TLN2: variants seen among roughly 807,000 people sequenced by gnomAD.
TLN2 encodes talin-2.
In TLN2, 118 loss-of-function variants were observed where a neutral mutation model predicts 294.7. The observed-to-expected ratio is 0.40, with a 90% CI of 0.34 to 0.47. The LOEUF (loss-of-function observed/expected upper bound fraction) is 0.47. TLN2 is among the 20% of genes least tolerant of loss of function. TLN2 has a pLI of 0.84. For synonymous variants in TLN2, 1,431 were observed against 1,304.5 expected, an observed-to-expected ratio of 1.10 and a Z score of -2.09; for missense variants, 3,083 against 3,282.2, an observed-to-expected ratio of 0.94 and a Z score of 1.48.
At chr15:62,509,159 T>C (rs1343500857) in intron 1 of TLN2, among the ~76,000 whole-genome samples, 2 of 152,232 alleles carry the variant, frequency 1.3e-5, no homozygotes, top group African/African-American at 4.8e-5. Flanking sequence ...CATTACCCTA[T>C]GCTTCCTGTC....
intron 3 of TLN2, among the ~76,000 whole-genome samples, chr15:62,634,302 A>G (rs1232319052): frequency 2.6e-5 from 4 of 152,058 alleles, no homozygotes; most frequent in Non-Finnish European, 4.4e-5. Flanking sequence ...TAGTCCTGCC[A>G]TTTCTTTAGG....
intron 1 of TLN2, among the ~76,000 whole-genome samples, chr15:62,474,326 C>G (rs1041770313): frequency 2.0e-5 from 3 of 152,022 alleles, no homozygotes; most frequent in Non-Finnish European, 4.4e-5. Context: ...CCTTCTCCAC[C>G]CCTTTTTCAC....
At chr15:62,517,119 A>G (rs2040227808) in intron 1 of TLN2, among the ~76,000 whole-genome samples, 1 of 152,212 alleles carries the variant, frequency 6.6e-6, no homozygotes, top group East Asian at 1.9e-4. Flanking sequence ...GAAGCCAAGG[A>G]TGGCGAGAGG....
intron 34 of TLN2, among the ~76,000 whole-genome samples, chr15:62,751,674 A>G (rs1446607661): frequency 2.0e-5 from 3 of 152,114 alleles, no homozygotes; most frequent in Admixed American, 2.0e-4. Flanking sequence ...GGAACACCAA[A>G]TTTACATTGG....
intron 2 of TLN2, among the ~76,000 whole-genome samples, chr15:62,598,715 C>G (rs954849418): frequency 6.6e-6 from 1 of 151,270 alleles, no homozygotes. Context: ...CAACTTTTCT[C>G]TCCATTCCTG....
intron 54 of TLN2, among the ~76,000 whole-genome samples, chr15:62,824,797 T>C (rs2067895239): frequency 6.6e-6 from 1 of 152,228 alleles, no homozygotes; most frequent in Non-Finnish European, 1.5e-5. Context: ...TTTTGACCTC[T>C]TCCTTATAGA....
At chr15:62,794,407 C>G (rs2065311915) in intron 46 of TLN2, among the ~76,000 whole-genome samples, 1 of 152,202 alleles carries the variant, frequency 6.6e-6, no homozygotes, top group Non-Finnish European at 1.5e-5. Flanking sequence ...TAGTGACTAG[C>G]AGATACTCAG....
At chr15:62,518,632 C>T (rs1035001764) in intron 1 of TLN2, among the ~76,000 whole-genome samples, 50 of 152,204 alleles carry the variant, frequency 3.3e-4, no homozygotes, top group African/African-American at 1.1e-3. Context: ...AATTTTTGCT[C>T]TGTCACCCAG....
chr15:62,771,227 C>G, intron 42 of TLN2, 93 bp downstream of exon 42: 2 of 1,358,222 alleles, frequency 1.5e-6, no homozygotes, highest in Non-Finnish European at 1.9e-6. Flanking sequence ...AAAACACTTC[C>G]AGTTCTTGCT....
chr15:62,702,933 A>G (rs2058806085), intron 19 of TLN2, 69 bp downstream of exon 19: 7 of 1,414,028 alleles, frequency 5.0e-6, no homozygotes, highest in African/African-American at 1.4e-5. Context: ...AGCAGGCAGA[A>G]TGTAATATTT....
chr15:62,793,141 C>T (rs558163573), intron 46 of TLN2, among the ~76,000 whole-genome samples: 167 of 152,332 alleles, frequency 1.1e-3, no homozygotes, highest in Middle Eastern at 3.4e-3. Context: ...TTCCTGCAAC[C>T]TCTGTTGACA....
At chr15:62,740,119 C>A (rs1242982655) in intron 31 of TLN2, among the ~76,000 whole-genome samples, 1 of 148,790 alleles carries the variant, frequency 6.7e-6, no homozygotes, top group Non-Finnish European at 1.5e-5. Context: ...CTTCTAGTAT[C>A]TACAAAGAAT....
intron 1 of TLN2, among the ~76,000 whole-genome samples, chr15:62,436,174 A>C (rs1005881875): frequency 6.6e-6 from 1 of 152,202 alleles, no homozygotes; most frequent in African/African-American, 2.4e-5. Context: ...CTCATCATTT[A>C]TTCAGTCATC....
chr15:62,766,862 A>AT (rs1266863916), intron 41 of TLN2, among the ~76,000 whole-genome samples: 2 of 152,200 alleles, frequency 1.3e-5, no homozygotes, highest in African/African-American at 4.8e-5. Flanking sequence ...CTTAGACATA[A>AT]TGAGGCAAAG....
intron 1 of TLN2, among the ~76,000 whole-genome samples, chr15:62,412,642 T>C (rs991925363): frequency 6.6e-6 from 1 of 152,204 alleles, no homozygotes; most frequent in African/African-American, 2.4e-5. Flanking sequence ...CTTGAAGACC[T>C]GTGGAGGTTT....
At chr15:62,731,615 CT>C (rs1036422958) in intron 28 of TLN2, among the ~76,000 whole-genome samples, 27 of 152,076 alleles carry the variant, frequency 1.8e-4, no homozygotes, top group Non-Finnish European at 3.4e-4. Context: ...CAGAACTATG[CT>C]TTTTCTCTTC....
In TLN2 at chr15:62,838,843, GT is replaced by G. The variant is rs1282962361; in HGVS notation, c.7375-11del. The G allele has an allele frequency of 3.4e-5, 55 of 1,608,030 alleles. No homozygotes were observed. The highest frequency in any genetic ancestry group is 4.6e-5 in the Non-Finnish European group (54 of 1,179,634). On this transcript the variant is annotated splice_polypyrimidine_tract_variant and intron_variant, in intron 57 of 58. Transcript: ENST00000636159. ...TTTCTAATGATATAATGTATGTTTTGTTCACTCTCCAGGCGGCAGGAAATGC... is the reference window on the plus strand; with the variant it reads ...TTTCTAATGATATAATGTATGTTTTGTCACTCTCCAGGCGGCAGGAAATGC...
At chr15:62,683,848 TAGGA>T (rs2057067189) in intron 11 of TLN2, 1 of 152,248 alleles carries the variant, frequency 6.6e-6, no homozygotes. Flanking sequence ...ACTTGAGGCA[TAGGA>T]AGGAAAGAGG....
intron 37 of TLN2, among the ~76,000 whole-genome samples, chr15:62,757,832 G>A (rs1370492353): frequency 6.6e-6 from 1 of 152,236 alleles, no homozygotes; most frequent in South Asian, 2.1e-4. Context: ...TGTGGAAATG[G>A]GCCTGGTTTT....
Sources: gnomAD v4.1 joint callset for allele counts (sites outside exome capture counted in the v4.1 genomes callset) on GRCh38, gnomAD v4.1.1 for gene constraint, MANE v1.5 for transcripts, NCBI Gene and HGNC (gene_info 2026-07-23, HGNC 2026-07-21) for gene names.